The following ITFG1 variants were observed in gnomAD, a reference collection of about 807,000 sequenced individuals.
The protein encoded by ITFG1 is integrin alpha FG-GAP repeat containing 1, also known as T-cell immunomodulatory protein.
Under a neutral mutation model 81.8 loss-of-function variants are expected in ITFG1, and 34 were observed. That is an observed-to-expected ratio of 0.42 (90% CI 0.32 to 0.55). The LOEUF (loss-of-function observed/expected upper bound fraction) is 0.55, where lower values mean the gene tolerates loss of function less well. Ranked by LOEUF, ITFG1 falls within the 20% of genes least tolerant of loss-of-function variation. ITFG1 has a pLI of 0.17. For missense variants in ITFG1, 672 were observed against 755.4 expected (o/e 0.89, Z 1.29); for synonymous variants, 285 against 270.6 (o/e 1.05, Z -0.52).
chr16:47,396,453 G>T (rs1968594336), intron 6 of ITFG1, among the ~76,000 whole-genome samples: 1 of 151,960 alleles, frequency 6.6e-6, no homozygotes, highest in Non-Finnish European at 1.5e-5. Flanking sequence ...CTATGAGAAA[G>T]AACACAATGA....
intron 14 of ITFG1, among the ~76,000 whole-genome samples, chr16:47,170,665 G>A (rs1471762283): frequency 6.6e-6 from 1 of 151,272 alleles, no homozygotes; most frequent in Non-Finnish European, 1.5e-5. Flanking sequence ...CCTGACCTTA[G>A]GTGATCTGCG....
At chr16:47,348,696 G>T (rs1967899075) in intron 8 of ITFG1, among the ~76,000 whole-genome samples, 2 of 152,198 alleles carry the variant, frequency 1.3e-5, no homozygotes, top group South Asian at 2.1e-4. Flanking sequence ...TTCAAATTCA[G>T]GAAATACAGA....
intron 10 of ITFG1, among the ~76,000 whole-genome samples, chr16:47,287,349 G>A (rs1201723532): frequency 6.6e-6 from 1 of 152,050 alleles, no homozygotes; most frequent in African/African-American, 2.4e-5. Flanking sequence ...CCCAAAGGGG[G>A]ATTACAAGCG....
At chr16:47,224,149 C>T (rs1286374173) in intron 13 of ITFG1, among the ~76,000 whole-genome samples, 1 of 151,948 alleles carries the variant, frequency 6.6e-6, no homozygotes, top group Non-Finnish European at 1.5e-5. Flanking sequence ...ACCAGCATGG[C>T]ACATGTATAC....
intron 10 of ITFG1, among the ~76,000 whole-genome samples, chr16:47,300,492 G>C (rs1203170509): frequency 1.3e-5 from 2 of 152,176 alleles, no homozygotes; most frequent in Non-Finnish European, 2.9e-5. Context: ...GGCAAAGAAA[G>C]ACCTGGAGGA....
chr16:47,291,833 T>C lies in ITFG1; in HGVS notation c.1070+19407A>G, dbSNP rs138085120. 7.5e-3 allele frequency among the ~76,000 whole-genome samples: 1,146 copies of C among 152,278 alleles called. 19 individuals carry two copies. The highest frequency in any genetic ancestry group is 0.026 in the African/African-American group (1,087 of 41,550). ...ATTATGATTTATACCCCTTTGTGAA[T>C]TTCTTATCTAAGTCTCGTATTGTTT... On this transcript the variant is annotated intron_variant, in intron 10 of 17. Transcript: ENST00000320640.
chr16:47,409,404 A>ACATTTTT (rs1968778033), intron 6 of ITFG1, among the ~76,000 whole-genome samples: 3 of 6,102 alleles, frequency 4.9e-4, no homozygotes, highest in Non-Finnish European at 8.8e-4. Context: ...ATATATATAT[A>ACATTTTT]TTTTTTTTTT....
chr16:47,337,431 G>A (rs1158418323), intron 8 of ITFG1, among the ~76,000 whole-genome samples: 3 of 151,994 alleles, frequency 2.0e-5, no homozygotes, highest in African/African-American at 4.8e-5. Context: ...TTAGCTGGGC[G>A]TGGTGGTGGG....
intron 10 of ITFG1, among the ~76,000 whole-genome samples, chr16:47,308,614 A>G (rs1037200133): frequency 6.6e-6 from 1 of 152,196 alleles, no homozygotes; most frequent in Non-Finnish European, 1.5e-5. Flanking sequence ...TGGTAAAGTA[A>G]TACAAACTAA....
At chr16:47,175,617 C>T (rs1965015506) in intron 14 of ITFG1, among the ~76,000 whole-genome samples, 1 of 152,146 alleles carries the variant, frequency 6.6e-6, no homozygotes, top group Admixed American at 6.6e-5. Flanking sequence ...AAGGAGCAAC[C>T]TCTCCAATGC....
At chr16:47,307,087 C>T (rs752908883) in intron 10 of ITFG1, among the ~76,000 whole-genome samples, 46 of 51,912 alleles carry the variant, frequency 8.9e-4, no homozygotes, top group Non-Finnish European at 1.1e-3. Flanking sequence ...GAGCAAAACT[C>T]CGTCTCAAAA....
At chr16:47,312,995 A>T (rs1159429917) in intron 9 of ITFG1, 2 of 152,232 alleles carry the variant, frequency 1.3e-5, no homozygotes, top group South Asian at 4.1e-4. Context: ...ACTTACAGGT[A>T]TAACAGTTAA....
At chr16:47,191,429 A>G (rs1214027789) in intron 14 of ITFG1, among the ~76,000 whole-genome samples, 2 of 151,364 alleles carry the variant, frequency 1.3e-5, no homozygotes, top group Non-Finnish European at 2.9e-5. Context: ...ATCAGCTGTC[A>G]TTAGTGTTAG....
At chr16:47,251,776 TAAC>T (rs1004094633) in intron 12 of ITFG1, among the ~76,000 whole-genome samples, 1 of 152,244 alleles carries the variant, frequency 6.6e-6, no homozygotes, top group African/African-American at 2.4e-5. Context: ...AGTAAGAGAC[TAAC>T]AACAATAAAC....
chr16:47,412,288 A>G (rs1249273759), intron 6 of ITFG1, among the ~76,000 whole-genome samples: 1 of 152,188 alleles, frequency 6.6e-6, no homozygotes, highest in Non-Finnish European at 1.5e-5. Context: ...ACAGTCATAG[A>G]ATTCAGAATC....
At chr16:47,267,284 G>C (rs1024834203) in intron 10 of ITFG1, among the ~76,000 whole-genome samples, 1 of 152,128 alleles carries the variant, frequency 6.6e-6, no homozygotes, top group East Asian at 1.9e-4. Context: ...ATTAATAAGA[G>C]AGAAGGTAGA....
intron 13 of ITFG1, among the ~76,000 whole-genome samples, chr16:47,234,005 T>C (rs1965844791): frequency 6.6e-6 from 1 of 152,218 alleles, no homozygotes; most frequent in South Asian, 2.1e-4. Context: ...TACAGCCTAA[T>C]TCCCAGTCAG....
At chr16:47,370,495 C>T (rs1350001806) in intron 7 of ITFG1, among the ~76,000 whole-genome samples, 1 of 152,216 alleles carries the variant, frequency 6.6e-6, no homozygotes, top group Non-Finnish European at 1.5e-5. Flanking sequence ...CTCTTCTCCA[C>T]CTTGCTCAAT....
At chr16:47,204,058 T>C (rs971397400) in intron 14 of ITFG1, among the ~76,000 whole-genome samples, 1 of 152,118 alleles carries the variant, frequency 6.6e-6, no homozygotes, top group African/African-American at 2.4e-5. Context: ...CACCACAATT[T>C]AAAACAAAAA....
Sources: gnomAD v4.1 joint callset for allele counts (sites outside exome capture counted in the v4.1 genomes callset) on GRCh38, gnomAD v4.1.1 for gene constraint, MANE v1.5 for transcripts, NCBI Gene and HGNC (gene_info 2026-07-23, HGNC 2026-07-21) for gene names.